Variants in UBR1 observed in about 807,000 individuals in gnomAD.
UBR1 encodes ubiquitin protein ligase E3 component n-recognin 1.
Under a neutral mutation model 242.1 loss-of-function variants are expected in UBR1, and 102 were observed. That is an observed-to-expected ratio of 0.42 (90% confidence interval 0.36 to 0.50). UBR1 has a LOEUF of 0.50. Among genes scored for constraint, UBR1 ranks in the 20% least tolerant of loss-of-function variants. UBR1 has a pLI of 0.01. For synonymous variants in UBR1, 675 were observed against 684.8 expected (o/e 0.99, Z 0.22); for missense variants, 1,772 against 2,101.8 (o/e 0.84, Z 3.07).
Position 43,021,317 on chromosome 15 carries a change from G to A in UBR1, c.2898C>T (p.Pro966=), listed in dbSNP as rs754729471. The change falls in exon 27 of 47, where the codon CCC becomes CCT. Residue 966 remains proline (P), a synonymous_variant. Transcript: ENST00000290650. ...TCATGTCCTTCTGGCCTTCTAACTG[G>A]GGAATTCCTTTGAGTTTTTCCAAAA... ...QMLLEKLKGI[P]QLEGQKDMIT... The A allele has an allele frequency of 1.1e-5, 17 of 1,613,562 alleles. No individual in the cohort carries two copies. Among genetic ancestry groups the A allele is most frequent in the Non-Finnish European group, 1.4e-5 (16 of 1,179,826 alleles).
chr15:42,954,077 G>C (rs1224698251), intron 44 of UBR1, among the ~76,000 whole-genome samples: 1 of 151,822 alleles, frequency 6.6e-6, no homozygotes, highest in Non-Finnish European at 1.5e-5. Context: ...TAGAGACAGG[G>C]TCTCCCCATG....
intron 17 of UBR1, 50 bp from the exon 18 acceptor site, chr15:43,036,643 G>C (rs1316407389): frequency 8.4e-6 from 11 of 1,315,562 alleles, no homozygotes; most frequent in Non-Finnish European, 1.1e-5. Flanking sequence ...TTTATTTCAA[G>C]CAAAATTCTC....
At position 42,943,560 on chromosome 15, in the gene UBR1, T is replaced by C. The variant is rs2031685466; in HGVS notation, c.*1769A>G. 1 of 152,400 alleles carries C rather than the reference T, an allele frequency of 6.6e-6. No individual in the cohort carries two copies. Among genetic ancestry groups the C allele is most frequent in the Non-Finnish European group, 1.5e-5 (1 of 68,034 alleles). The allele number at this position is 152,400 out of a possible 1,614,324, so 9.4% of individuals were successfully genotyped here. ...TCCTCTTGAGAGCCTAACTCCAGAA[T>C]TTATTAAGTTAATATAAAAAGGACT... On this transcript the variant is annotated 3_prime_UTR_variant, in exon 47 of 47. Coordinates refer to ENST00000290650, the MANE Select transcript of UBR1 (RefSeq NM_174916.3).
Position 43,033,288 on chromosome 15 carries a change from G to A in UBR1, c.2191-657C>T, listed in dbSNP as rs548329381. ...AGCACTTTGGGAGGCCAAGGTATGCGGATCATGAGGTCAGAAGTTTGAGAC... is the reference window on the plus strand; with the variant it reads ...AGCACTTTGGGAGGCCAAGGTATGCAGATCATGAGGTCAGAAGTTTGAGAC... On this transcript the variant is annotated intron_variant, in intron 19 of 46. Transcript: ENST00000290650. Among the ~76,000 whole-genome samples the A allele has an allele frequency of 5.3e-5, 8 of 152,008 alleles. 1 individual carries two copies. The highest frequency in any genetic ancestry group is 2.9e-5 in the Non-Finnish European group (2 of 67,976).
intron 28 of UBR1, 31 bp downstream of exon 28, chr15:43,017,064 C>G (rs764750981): frequency 3.2e-6 from 5 of 1,545,470 alleles, no homozygotes; most frequent in Non-Finnish European, 3.6e-6. Context: ...ATGAATGTCA[C>G]CATTACTACA....
chr15:43,090,408 G>T (rs1423929363), intron 1 of UBR1, among the ~76,000 whole-genome samples: 1 of 152,080 alleles, frequency 6.6e-6, no homozygotes, highest in South Asian at 2.1e-4. Context: ...TATTTTGGAA[G>T]TAATTTTATA....
intron 29 of UBR1, among the ~76,000 whole-genome samples, chr15:43,009,354 T>C (rs1197892869): frequency 6.6e-6 from 1 of 152,180 alleles, no homozygotes; most frequent in Admixed American, 6.5e-5. Context: ...TGCCTAGAGC[T>C]CCCTGCCCTG....
chr15:42,999,616 C>G (rs1366514784), intron 32 of UBR1, among the ~76,000 whole-genome samples: 1 of 151,932 alleles, frequency 6.6e-6, no homozygotes, highest in Non-Finnish European at 1.5e-5. Flanking sequence ...TCGCTTGAGC[C>G]CAGGAGTTAG....
chr15:43,051,606 C>T (rs750456301), intron 12 of UBR1, among the ~76,000 whole-genome samples: 7 of 152,082 alleles, frequency 4.6e-5, no homozygotes, highest in Admixed American at 1.3e-4. Context: ...AAAAGCAGCT[C>T]CCCAGATGAT....
chr15:42,960,630 A>G lies in UBR1; in HGVS notation c.4757+15T>C, dbSNP rs761183210. On this transcript the variant is annotated intron_variant, in intron 43 of 46. Coordinates refer to ENST00000290650, the MANE Select transcript of UBR1 (RefSeq NM_174916.3). ...CTTGTGGATGAGGGAGAAAGGATTAAGTAGTAAAACCAACCTGACCACGGT... is the reference window on the plus strand; with the variant it reads ...CTTGTGGATGAGGGAGAAAGGATTAGGTAGTAAAACCAACCTGACCACGGT... 1.9e-6 allele frequency: 3 copies of G among 1,613,690 alleles called. No homozygotes were observed. The highest frequency in any genetic ancestry group is 2.5e-6 in the Non-Finnish European group (3 of 1,179,630).
intron 10 of UBR1, among the ~76,000 whole-genome samples, chr15:43,056,797 C>G (rs117981745): frequency 6.6e-6 from 1 of 152,266 alleles, no homozygotes; most frequent in East Asian, 1.9e-4. Context: ...AGCTTCCACT[C>G]TAATGGTATT....
intron 32 of UBR1, among the ~76,000 whole-genome samples, chr15:43,001,267 C>T (rs1320730322): frequency 6.6e-6 from 1 of 152,060 alleles, no homozygotes; most frequent in African/African-American, 2.4e-5. Context: ...CTTGGCTCAG[C>T]CTCCCAAGTA....
intron 41 of UBR1, 109 bp from the exon 42 acceptor site, chr15:42,964,152 G>C: frequency 2.5e-6 from 2 of 803,024 alleles, no homozygotes; most frequent in East Asian, 2.8e-5. Context: ...TCCTTGTAGA[G>C]GGTATATTGC....
chr15:43,090,373 G>A (rs1395632853), intron 1 of UBR1, among the ~76,000 whole-genome samples: 1 of 152,014 alleles, frequency 6.6e-6, no homozygotes. Context: ...CTTATCGAAT[G>A]AGTAATATCC....
At chr15:43,103,046 T>C (rs1362050753) in intron 1 of UBR1, among the ~76,000 whole-genome samples, 1 of 152,142 alleles carries the variant, frequency 6.6e-6, no homozygotes, top group Non-Finnish European at 1.5e-5. Flanking sequence ...AACACACCTG[T>C]AATTCCAGCT....
At chr15:43,085,425 CAGTG>C (rs1271936000) in intron 2 of UBR1, among the ~76,000 whole-genome samples, 1 of 152,160 alleles carries the variant, frequency 6.6e-6, no homozygotes, top group Non-Finnish European at 1.5e-5. Context: ...CAGGAAGAAA[CAGTG>C]AGCACTATTT....
At chr15:43,093,454 A>G (rs2141367090) in intron 1 of UBR1, among the ~76,000 whole-genome samples, 1 of 152,276 alleles carries the variant, frequency 6.6e-6, no homozygotes, top group South Asian at 2.1e-4. Context: ...TTGATTATAC[A>G]ATGTTTTCTT....
intron 19 of UBR1, among the ~76,000 whole-genome samples, chr15:43,034,279 AATAG>A (rs56381744): frequency 0.61 from 63,748 of 103,854 alleles, 17,160 homozygotes; most frequent in Non-Finnish European, 0.67. Context: ...TAAATAAATA[AATAG>A]ATAAATAAAT....
intron 1 of UBR1, among the ~76,000 whole-genome samples, chr15:43,095,542 T>TAA (rs60302282): frequency 0.014 from 1,691 of 117,476 alleles, 34 homozygotes; most frequent in African/African-American, 0.048. Flanking sequence ...GTGACAACAT[T>TAA]AAAAAAAAAA....
Sources: gnomAD v4.1 joint callset for allele counts (sites outside exome capture counted in the v4.1 genomes callset) on GRCh38, gnomAD v4.1.1 for gene constraint, MANE v1.5 for transcripts, NCBI Gene and HGNC (gene_info 2026-07-23, HGNC 2026-07-21) for gene names.